Variants in CSMD1 observed in about 807,000 individuals in gnomAD.
CSMD1 encodes CUB and sushi domain-containing protein 1.
Under a neutral mutation model 417.5 loss-of-function variants are expected in CSMD1, and 213 were observed. That is an observed-to-expected ratio of 0.51 (90% confidence interval 0.46 to 0.57). The LOEUF (loss-of-function observed/expected upper bound fraction) is 0.57, where lower values mean the gene tolerates loss of function less well. CSMD1 is among the 20% of genes least tolerant of loss of function. CSMD1 has a pLI of 0.00. For missense variants in CSMD1, 6,923 were observed against 4,529.7 expected (o/e 1.53, Z -15.17); for synonymous variants, 2,862 against 1,736.8 (o/e 1.65, Z -16.11).
chr8:4,523,895 A>T (rs1007618397), intron 2 of CSMD1, among the ~76,000 whole-genome samples: 4 of 152,164 alleles, frequency 2.6e-5, no homozygotes, highest in African/African-American at 9.7e-5. Flanking sequence ...TTACAAAGCC[A>T]ATCATGATGC....
chr8:4,959,131 A>T (rs1809313932), intron 1 of CSMD1, among the ~76,000 whole-genome samples: 1 of 152,224 alleles, frequency 6.6e-6, no homozygotes, highest in Non-Finnish European at 1.5e-5. Context: ...TAAAGGTTAT[A>T]TGAGAATTTG....
intron 1 of CSMD1, among the ~76,000 whole-genome samples, chr8:4,985,120 C>T (rs577103545): frequency 6.6e-6 from 1 of 152,250 alleles, no homozygotes; most frequent in Admixed American, 6.5e-5. Flanking sequence ...AACAGAAAAT[C>T]AAATACCACT....
chr8:4,298,478 A>G (rs1402450902), intron 3 of CSMD1, among the ~76,000 whole-genome samples: 2 of 152,130 alleles, frequency 1.3e-5, no homozygotes, highest in African/African-American at 4.8e-5. Flanking sequence ...AGTACAATGT[A>G]TATTATTTGA....
At chr8:3,413,349 T>G (rs535049319) in intron 12 of CSMD1, among the ~76,000 whole-genome samples, 2 of 152,284 alleles carry the variant, frequency 1.3e-5, no homozygotes, top group East Asian at 3.9e-4. Context: ...GTCTTTCTGC[T>G]TTCCATGCTG....
chr8:4,017,983 T>G (rs1361724314), intron 4 of CSMD1, among the ~76,000 whole-genome samples: 1 of 152,146 alleles, frequency 6.6e-6, no homozygotes, highest in Non-Finnish European at 1.5e-5. Context: ...ACATGTTGCA[T>G]TTTGATTAAT....
At chr8:3,139,005 G>A (rs1320839843) in intron 41 of CSMD1, among the ~76,000 whole-genome samples, 2 of 152,194 alleles carry the variant, frequency 1.3e-5, no homozygotes, top group East Asian at 1.9e-4. Flanking sequence ...ACGGCTACTG[G>A]TGGTGACACA....
chr8:4,392,132 C>A (rs978646400), intron 3 of CSMD1, among the ~76,000 whole-genome samples: 1 of 152,182 alleles, frequency 6.6e-6, no homozygotes, highest in Admixed American at 6.5e-5. Flanking sequence ...TGAGTCAAGT[C>A]CAGATTGCTG....
chr8:4,306,135 T>C (rs1402664712), intron 3 of CSMD1, among the ~76,000 whole-genome samples: 3 of 152,240 alleles, frequency 2.0e-5, no homozygotes, highest in Admixed American at 1.3e-4. Flanking sequence ...GAATAGTCTG[T>C]GTAGATTTTT....
At chr8:4,420,867 G>A (rs1394699583) in intron 2 of CSMD1, among the ~76,000 whole-genome samples, 1 of 152,150 alleles carries the variant, frequency 6.6e-6, no homozygotes, top group Non-Finnish European at 1.5e-5. Context: ...CTCCTGTGCT[G>A]TGAAGCCTGG....
chr8:4,868,984 G>T (rs1442251268), intron 1 of CSMD1, among the ~76,000 whole-genome samples: 1 of 151,648 alleles, frequency 6.6e-6, no homozygotes, highest in Non-Finnish European at 1.5e-5. Context: ...AAATAGAATA[G>T]ATGATATAAA....
At chr8:3,820,212 G>A (rs1801650441) in intron 5 of CSMD1, among the ~76,000 whole-genome samples, 1 of 152,124 alleles carries the variant, frequency 6.6e-6, no homozygotes, top group Non-Finnish European at 1.5e-5. Flanking sequence ...CATGTTTGTT[G>A]AGGTCAGGGG....
chr8:4,373,422 A>C (rs1802520609), intron 3 of CSMD1, among the ~76,000 whole-genome samples: 1 of 152,228 alleles, frequency 6.6e-6, no homozygotes, highest in Non-Finnish European at 1.5e-5. Flanking sequence ...CAGAGGAGAC[A>C]GAGTGTGGAG....
intron 1 of CSMD1, among the ~76,000 whole-genome samples, chr8:4,845,754 A>T (rs1801105371): frequency 6.6e-6 from 1 of 152,174 alleles, no homozygotes; most frequent in African/African-American, 2.4e-5. Context: ...GTGCTCAGGG[A>T]GCTGCTCAAG....
intron 3 of CSMD1, among the ~76,000 whole-genome samples, chr8:4,136,982 A>C (rs1803480994): frequency 6.6e-6 from 1 of 152,238 alleles, no homozygotes; most frequent in African/African-American, 2.4e-5. Flanking sequence ...TGAAACAAAT[A>C]AATGTGGGCA....
chr8:4,408,293 C>A (rs1049741096), intron 3 of CSMD1, among the ~76,000 whole-genome samples: 1 of 152,094 alleles, frequency 6.6e-6, no homozygotes, highest in African/African-American at 2.4e-5. Flanking sequence ...TATGAAAGAA[C>A]CAGTGTCAAA....
chr8:4,637,355 T>G lies in CSMD1; in HGVS notation c.289A>C (p.Asn97His). 2 of 1,613,234 alleles carry G rather than the reference T, an allele frequency of 1.2e-6. No individual in the cohort carries two copies. The highest frequency in any genetic ancestry group is 1.7e-6 in the Non-Finnish European group (2 of 1,179,216). Residue 97 changes from asparagine (N) to histidine (H), a missense_variant, in exon 2 of 70, where the codon AAT (asparagine) becomes CAT (histidine). Physicochemically the swap from Asn to His is moderately conservative, Grantham distance 68 (BLOSUM62 1). Transcript: ENST00000635120. ...TTGATACCTTACCTCACTTTTAAAT[T>G]CCCTTGTTGAGGCTGTCCATCGTAA... is the stretch of plus-strand genomic sequence containing the variant. ...SVYDGQPQQG[N>H]LKVRLSGFQL...
intron 41 of CSMD1, among the ~76,000 whole-genome samples, chr8:3,136,193 T>C (rs1818073445): frequency 6.6e-6 from 1 of 151,966 alleles, no homozygotes; most frequent in South Asian, 2.1e-4. Context: ...TTCACAATTA[T>C]ATGTAACAGT....
At chr8:3,693,012 A>G (rs1800337717) in intron 7 of CSMD1, among the ~76,000 whole-genome samples, 1 of 152,204 alleles carries the variant, frequency 6.6e-6, no homozygotes, top group South Asian at 2.1e-4. Flanking sequence ...TTAATATTAT[A>G]TTGGTAAACT....
intron 3 of CSMD1, among the ~76,000 whole-genome samples, chr8:4,180,344 G>A: frequency 1.3e-5 from 2 of 148,698 alleles, no homozygotes; most frequent in South Asian, 4.2e-4. Flanking sequence ...ACCAAACAAT[G>A]CATGTTCTCA....
Sources: allele counts gnomAD v4.1 joint callset (sites outside exome capture counted in the v4.1 genomes callset), GRCh38; gene constraint gnomAD v4.1.1; transcripts MANE v1.5; gene names NCBI Gene and HGNC (gene_info 2026-07-23, HGNC 2026-07-21).